Variants in ST8SIA4 observed in about 807,000 individuals in gnomAD.
ST8SIA4 encodes the protein ST8 alpha-N-acetyl-neuraminide alpha-2,8-sialyltransferase 4.
A neutral mutation model predicts 33.9 loss-of-function variants in ST8SIA4; 15 were observed. The observed-to-expected ratio is 0.44, with a 90% CI of 0.30 to 0.68. The LOEUF (loss-of-function observed/expected upper bound fraction) is 0.68, where lower values mean the gene tolerates loss of function less well. Ranked by LOEUF, ST8SIA4 falls within the 30% of genes least tolerant of loss-of-function variation. The probability of loss-of-function intolerance (pLI) is 0.10; values close to 1 mark genes in which losing one functional copy is unlikely to be tolerated. For missense variants in ST8SIA4, 321 were observed against 428.0 expected (o/e 0.75, Z 2.21); for synonymous variants, 171 against 151.2 (o/e 1.13, Z -0.96).
Position 100,875,531 on chromosome 5 carries a change from C to T in ST8SIA4, c.503+10812G>A, listed in dbSNP as rs565839948. ...CATTATTGGAAATAATAAACCTGGC[C>T]GTAGACAAATATTTTAAATGTGGTA... On this transcript the variant is annotated intron_variant, in intron 3 of 4. Coordinates refer to ENST00000231461, the MANE Select transcript of ST8SIA4 (RefSeq NM_005668.6). 3.3e-5 allele frequency among the ~76,000 whole-genome samples: 5 copies of T among 152,048 alleles called. No individual in the cohort carries two copies. The South Asian group carries it at 6.2e-4, about 19-fold the overall frequency.
At position 100,824,264 on chromosome 5, in the gene ST8SIA4, T is replaced by C. The variant is rs946894619; in HGVS notation, c.798-12135A>G. ...AAACTGCTAAAATGCATGTAATACC[T>C]GTAGAGTGCAGAAGGCAAGAGAAGA... On this transcript the variant is annotated intron_variant, in intron 4 of 4. Transcript: ENST00000231461. Among the ~76,000 whole-genome samples the C allele has an allele frequency of 5.9e-5, 9 of 152,306 alleles. No homozygotes were observed. In the East Asian group the frequency reaches 1.7e-3, roughly 29 times the overall value.
intron 4 of ST8SIA4, among the ~76,000 whole-genome samples, chr5:100,839,914 T>C (rs1253284848): frequency 1.3e-5 from 2 of 151,780 alleles, no homozygotes; most frequent in African/African-American, 4.8e-5. Context: ...GTTTCCTTTA[T>C]AAAATAAGAA....
chr5:100,900,929 C>G (rs1009734854), intron 1 of ST8SIA4, among the ~76,000 whole-genome samples: 2 of 152,222 alleles, frequency 1.3e-5, no homozygotes, highest in South Asian at 2.1e-4. Flanking sequence ...TTGGTTTACT[C>G]AAGCGCCTGC....
intron 4 of ST8SIA4, among the ~76,000 whole-genome samples, chr5:100,853,287 T>G (rs566895982): frequency 3.3e-5 from 5 of 152,190 alleles, no homozygotes; most frequent in Non-Finnish European, 7.3e-5. Context: ...TGTATTAGTT[T>G]CAATAAAATC....
At chr5:100,827,942 A>G (rs1171218039) in intron 4 of ST8SIA4, among the ~76,000 whole-genome samples, 1 of 152,192 alleles carries the variant, frequency 6.6e-6, no homozygotes, top group Non-Finnish European at 1.5e-5. Context: ...AGTACTGTAC[A>G]CTGTTGATAA....
At chr5:100,881,975 G>A (rs1290620319) in intron 3 of ST8SIA4, among the ~76,000 whole-genome samples, 1 of 152,156 alleles carries the variant, frequency 6.6e-6, no homozygotes, top group African/African-American at 2.4e-5. Flanking sequence ...GTCTTTATCA[G>A]CAGCTGAATA....
chr5:100,873,126 C>T (rs1464195982), intron 3 of ST8SIA4, among the ~76,000 whole-genome samples: 1 of 152,086 alleles, frequency 6.6e-6, no homozygotes, highest in African/African-American at 2.4e-5. Context: ...TAAATAAGTA[C>T]ACATTTAAGT....
At chr5:100,821,936 A>G (rs540309276) in intron 4 of ST8SIA4, among the ~76,000 whole-genome samples, 9 of 152,320 alleles carry the variant, frequency 5.9e-5, no homozygotes, top group African/African-American at 2.2e-4. Flanking sequence ...AGGGCTTTCC[A>G]TGAGCATATA....
At chr5:100,871,422 T>C (rs952444050) in intron 3 of ST8SIA4, among the ~76,000 whole-genome samples, 6 of 152,244 alleles carry the variant, frequency 3.9e-5, no homozygotes, top group Admixed American at 2.0e-4. Flanking sequence ...TCTGAAGACA[T>C]ATATATCTTC....
At chr5:100,872,895 A>T (rs1480516236) in intron 3 of ST8SIA4, among the ~76,000 whole-genome samples, 4 of 137,542 alleles carry the variant, frequency 2.9e-5, no homozygotes, top group African/African-American at 1.1e-4. Flanking sequence ...AAAAAAAAAA[A>T]TCAAACATAG....
intron 1 of ST8SIA4, among the ~76,000 whole-genome samples, chr5:100,897,761 T>C (rs1752811703): frequency 6.6e-6 from 1 of 152,214 alleles, no homozygotes; most frequent in African/African-American, 2.4e-5. Flanking sequence ...TAAAAATTAA[T>C]ATCTTAAACT....
chr5:100,817,175 G>A (rs2112399349), intron 4 of ST8SIA4, among the ~76,000 whole-genome samples: 1 of 133,290 alleles, frequency 7.5e-6, no homozygotes, highest in African/African-American at 2.9e-5. Context: ...CACCATGTTG[G>A]CCAGGCTGGT....
At chr5:100,862,011 A>T (rs575877779) in intron 3 of ST8SIA4, among the ~76,000 whole-genome samples, 3 of 152,202 alleles carry the variant, frequency 2.0e-5, no homozygotes, top group African/African-American at 7.2e-5. Flanking sequence ...TTTGAAATGC[A>T]TGCAGGTAAG....
At position 100,811,872 on chromosome 5, in the gene ST8SIA4, G is replaced by A. The variant is rs1750823387; in HGVS notation, c.1055C>T (p.Thr352Ile). ...TTATTGCTTTACACACTTTCCTGTT[G>A]TCAGTTTTAGAGCTCCTCTATTATG... The part of the protein sequence containing the change: ...VLHNRGALKL[T>I]TGKCVKQ Residue 352 changes from threonine to isoleucine, a missense_variant, in exon 5 of 5, where the codon ACA (threonine) becomes ATA (isoleucine). By Grantham distance (89) the Thr-to-Ile change is moderately conservative. Transcript: ENST00000231461. 1 of 1,612,372 alleles carries A rather than the reference G, an allele frequency of 6.2e-7. No homozygotes were observed. The highest frequency in any genetic ancestry group is 8.5e-7 in the Non-Finnish European group (1 of 1,179,344).
intron 2 of ST8SIA4, among the ~76,000 whole-genome samples, chr5:100,888,949 T>A (rs1156511159): frequency 2.0e-5 from 3 of 151,928 alleles, no homozygotes; most frequent in Admixed American, 2.0e-4. Flanking sequence ...CAGTAGAATT[T>A]GTACAGAAAA....
At chr5:100,875,755 C>CAAATAAACTT (rs1240192393) in intron 3 of ST8SIA4, among the ~76,000 whole-genome samples, 2 of 152,024 alleles carry the variant, frequency 1.3e-5, no homozygotes, top group African/African-American at 4.8e-5. Context: ...ATAAACTTGA[C>CAAATAAACTT]GTTTATCTTT....
chr5:100,857,069 C>T (rs541282488), intron 3 of ST8SIA4, among the ~76,000 whole-genome samples: 1 of 152,150 alleles, frequency 6.6e-6, no homozygotes, highest in East Asian at 1.9e-4. Context: ...ATCAGCCTTC[C>T]TGTTATTTTA....
At chr5:100,862,795 A>G (rs890437259) in intron 3 of ST8SIA4, among the ~76,000 whole-genome samples, 6 of 152,230 alleles carry the variant, frequency 3.9e-5, no homozygotes, top group Non-Finnish European at 8.8e-5. Context: ...CCAATGAGAC[A>G]GTCACTATTG....
At chr5:100,832,115 G>A (rs574857087) in intron 4 of ST8SIA4, among the ~76,000 whole-genome samples, 1 of 152,180 alleles carries the variant, frequency 6.6e-6, no homozygotes, top group South Asian at 2.1e-4. Context: ...CTCCATATTT[G>A]GATGGATTAA....
Sources: gnomAD v4.1 joint callset for allele counts (sites outside exome capture counted in the v4.1 genomes callset) on GRCh38, gnomAD v4.1.1 for gene constraint, MANE v1.5 for transcripts, NCBI Gene and HGNC (gene_info 2026-07-23, HGNC 2026-07-21) for gene names.